Variants in COL6A6 observed in about 807,000 individuals in gnomAD.
COL6A6 encodes the protein collagen type VI alpha 6 chain, also known as collagen alpha-6(VI) chain.
COL6A6 carries 183 observed loss-of-function variants against 208.6 expected under a neutral mutation model. The observed-to-expected ratio is 0.88, with a 90% CI of 0.78 to 0.99. COL6A6 has a LOEUF of 0.99. Among genes scored for constraint, COL6A6 ranks in the 50% least tolerant of loss-of-function variants. The pLI is 0.00. For missense variants in COL6A6, 2,816 were observed against 2,815.2 expected, an observed-to-expected ratio of 1.00 and a Z score of -0.01; for synonymous variants, 973 against 1,011.8, an observed-to-expected ratio of 0.96 and a Z score of 0.73.
At chr3:130,668,617 A>G (rs969623224) in intron 36 of COL6A6, among the ~76,000 whole-genome samples, 2 of 152,216 alleles carry the variant, frequency 1.3e-5, no homozygotes, top group Non-Finnish European at 2.9e-5. Context: ...CTATATTTAT[A>G]TCAGATAATA....
At chr3:130,669,966 G>C (rs2066171507) in intron 36 of COL6A6, among the ~76,000 whole-genome samples, 1 of 152,210 alleles carries the variant, frequency 6.6e-6, no homozygotes, top group Non-Finnish European at 1.5e-5. Flanking sequence ...CTTTGGCGAT[G>C]TGCCTACTTT....
intron 20 of COL6A6, among the ~76,000 whole-genome samples, chr3:130,605,374 G>A (rs953369539): frequency 2.8e-5 from 4 of 142,480 alleles, no homozygotes; most frequent in East Asian, 2.0e-4. Context: ...GGTCAGGACT[G>A]TGTGTGTGTG....
chr3:130,616,772 G>A (rs547410341), intron 23 of COL6A6, among the ~76,000 whole-genome samples: 5 of 152,134 alleles, frequency 3.3e-5, no homozygotes, highest in South Asian at 2.1e-4. Flanking sequence ...AATGGTATAC[G>A]GTCTGGAGCC....
intron 10 of COL6A6, among the ~76,000 whole-genome samples, chr3:130,584,015 A>T (rs765091849): frequency 1.8e-4 from 27 of 152,210 alleles, no homozygotes; most frequent in Non-Finnish European, 3.2e-4. Flanking sequence ...AAACTTATGC[A>T]CATGGAATGG....
intron 20 of COL6A6, among the ~76,000 whole-genome samples, chr3:130,603,286 G>T (rs11707586): frequency 6.6e-6 from 1 of 152,188 alleles, no homozygotes; most frequent in Admixed American, 6.5e-5. Flanking sequence ...CCGCCCATTA[G>T]CTGCCAGTAA....
chr3:130,617,614 G>C (rs1245401903), intron 23 of COL6A6, among the ~76,000 whole-genome samples: 2 of 152,148 alleles, frequency 1.3e-5, no homozygotes, highest in Non-Finnish European at 2.9e-5. Context: ...GTTTGTTCTT[G>C]CATTAGCTCA....
At chr3:130,636,741 T>C (rs1236835375) in intron 28 of COL6A6, among the ~76,000 whole-genome samples, 35 of 74,164 alleles carry the variant, frequency 4.7e-4, no homozygotes, top group Admixed American at 1.1e-3. Context: ...TTCCTCCCCT[T>C]CCCCCTCCCC....
In COL6A6 at chr3:130,571,392, A is replaced by G. The variant is rs1265113514; in HGVS notation, c.2976A>G (p.Val992=). The change falls in exon 7 of 37, where the codon GTA becomes GTG. Residue 992 remains valine (V), a splice_region_variant and synonymous_variant. Transcript: ENST00000358511. ...CCAGTGTCTGCAACTCTTCAAAAGT[A>G]GGTAAGTTTTGCCAACTAAGTTTTT... ...VTASVCNSSK[V]DCEIDKVDLV... is the part of the protein sequence containing the mutation. 1.3e-6 allele frequency: 2 copies of G among 1,544,332 alleles called. No individual in the cohort carries two copies. The highest frequency in any genetic ancestry group is 1.4e-5 in the African/African-American group (1 of 72,594).
At chr3:130,554,113 A>T (rs6439246) in intron 1 of COL6A6, among the ~76,000 whole-genome samples, 130,737 of 152,216 alleles carry the variant, frequency 0.86, 56,653 homozygotes, top group African/African-American at 0.9. Flanking sequence ...GACACAACAC[A>T]CTAGTGGGTA....
In COL6A6 at chr3:130,626,396, C is replaced by T. The variant is rs973249934; in HGVS notation, c.4879-89C>T. On this transcript the variant is annotated intron_variant, in intron 24 of 36. Coordinates refer to ENST00000358511, the MANE Select transcript of COL6A6 (RefSeq NM_001102608.3). Reference sequence around the variant, plus strand: ...CACGACACACAGTTCTGGGCACAAACCCATTGTTGTGTGTGATCCACACAG... The same window carrying T: ...CACGACACACAGTTCTGGGCACAAATCCATTGTTGTGTGTGATCCACACAG... 36 of 950,892 alleles carry T rather than the reference C, an allele frequency of 3.8e-5. No individual in the cohort carries two copies. In the Middle Eastern group the frequency reaches 1.5e-3, roughly 39 times the overall value. The allele number at this position is 950,892 out of a possible 1,614,324, so 58.9% of individuals were successfully genotyped here. A position where few individuals can be genotyped will look rare whatever the true frequency, so the allele number is the denominator to read the frequency against.
intron 28 of COL6A6, among the ~76,000 whole-genome samples, chr3:130,636,617 C>A (rs1022128158): frequency 6.6e-6 from 1 of 151,890 alleles, no homozygotes; most frequent in Non-Finnish European, 1.5e-5. Flanking sequence ...GTCTTCATAG[C>A]TAATTTTGCT....
chr3:130,616,773 G>A (rs991082988), intron 23 of COL6A6, among the ~76,000 whole-genome samples: 4 of 152,112 alleles, frequency 2.6e-5, no homozygotes, highest in African/African-American at 9.7e-5. Context: ...ATGGTATACG[G>A]TCTGGAGCCA....
intron 32 of COL6A6, among the ~76,000 whole-genome samples, chr3:130,645,309 GT>G (rs1238308490): frequency 7.2e-5 from 11 of 151,888 alleles, no homozygotes; most frequent in African/African-American, 1.9e-4. Flanking sequence ...ATATGTTGGG[GT>G]TTTTTTTAGA....
Position 130,610,756 on chromosome 3 carries a change from T to G in COL6A6, c.4815+45T>G, listed in dbSNP as rs1317625816. ...ATTGCATCTGACTTTGATCTTGGCT[T>G]GATATGTCTTTGTGGTTTCTTCCAT... On this transcript the variant is annotated intron_variant, in intron 23 of 36. Transcript: ENST00000358511. 2.9e-6 allele frequency: 4 copies of G among 1,387,464 alleles called. No homozygotes were observed. In the African/African-American group the frequency reaches 4.3e-5, roughly 15 times the overall value. The allele number at this position is 1,387,464 out of a possible 1,614,324, so 85.9% of individuals were successfully genotyped here. A position where few individuals can be genotyped will look rare whatever the true frequency, so the allele number is the denominator to read the frequency against.
At chr3:130,645,040 T>G in intron 32 of COL6A6, 38 bp downstream of exon 32, 1 of 1,595,650 alleles carries the variant, frequency 6.3e-7, no homozygotes, top group Non-Finnish European at 8.6e-7. Context: ...TTAATCAAGC[T>G]CTAAAATGTC....
intron 23 of COL6A6, among the ~76,000 whole-genome samples, chr3:130,613,723 A>C (rs2064427335): frequency 6.6e-6 from 1 of 152,046 alleles, no homozygotes; most frequent in South Asian, 2.1e-4. Context: ...GAGATTGTTC[A>C]CCTTCCTGGT....
rs749764041 is a variant in COL6A6, at chr3:130,606,912, A to G, written c.4654-19A>G. 19 of 1,600,812 alleles carry G rather than the reference A, an allele frequency of 1.2e-5. No individual in the cohort carries two copies. Among genetic ancestry groups the G allele is most frequent in the Non-Finnish European group, 1.6e-5 (19 of 1,173,866 alleles). On this transcript the variant is annotated intron_variant, in intron 20 of 36. Transcript: ENST00000358511. ...CATTTTTTCTGAATTAATGATATCC[A>G]CCTTTTCTTCTATTTTAGGCAGCTC...
At chr3:130,553,139 T>C (rs1001003945) in intron 1 of COL6A6, among the ~76,000 whole-genome samples, 1 of 152,208 alleles carries the variant, frequency 6.6e-6, no homozygotes, top group Non-Finnish European at 1.5e-5. Flanking sequence ...ATGGCCATCT[T>C]GTGTAGTATT....
rs1281635515 is a variant in COL6A6 at position 130,561,714 on chromosome 3, G to T, written c.64+1286G>T. 3.7e-5 allele frequency among the ~76,000 whole-genome samples: 5 copies of T among 135,104 alleles called. No homozygotes were observed. In the South Asian group the frequency reaches 1.2e-3, roughly 32 times the overall value. 88.6% of individuals were successfully genotyped at this position (135,104 alleles called of 152,430 possible). A position where few individuals can be genotyped will look rare whatever the true frequency, so the allele number is the denominator to read the frequency against. On this transcript the variant is annotated intron_variant, in intron 2 of 36. Coordinates refer to ENST00000358511, the MANE Select transcript of COL6A6 (RefSeq NM_001102608.3). Reference sequence around the variant, plus strand: ...AGGCCAGACTGCGGACTGCAGTGGCGCAATCTCGGCTCACTGCAAGCTCCG... The same window carrying T: ...AGGCCAGACTGCGGACTGCAGTGGCTCAATCTCGGCTCACTGCAAGCTCCG...
Sources: gnomAD v4.1 joint callset for allele counts (sites outside exome capture counted in the v4.1 genomes callset) on GRCh38, gnomAD v4.1.1 for gene constraint, MANE v1.5 for transcripts, NCBI Gene and HGNC (gene_info 2026-07-23, HGNC 2026-07-21) for gene names.